Variants in NRG1 observed in about 807,000 individuals in gnomAD.
The protein encoded by NRG1 is neuregulin 1.
NRG1 carries 18 observed loss-of-function variants against 63.8 expected under a neutral mutation model. That is an observed-to-expected ratio of 0.28 (90% confidence interval 0.19 to 0.42). The LOEUF is 0.42. Among genes scored for constraint, NRG1 ranks in the 10% least tolerant of loss-of-function variants. The pLI is 1.00. For synonymous variants in NRG1, 302 were observed against 301.3 expected (o/e 1.00, Z -0.02); for missense variants, 762 against 814.7 (o/e 0.94, Z 0.79).
intron 5 of NRG1, among the ~76,000 whole-genome samples, chr8:32,682,730 T>G (rs1005926676): frequency 6.6e-5 from 10 of 152,178 alleles, no homozygotes; most frequent in African/African-American, 2.4e-4. Context: ...AAATGAAAAC[T>G]GTTGTCAATC....
intron 6 of NRG1, among the ~76,000 whole-genome samples, chr8:32,739,449 A>G (rs1825847454): frequency 6.6e-6 from 1 of 152,212 alleles, no homozygotes; most frequent in African/African-American, 2.4e-5. Context: ...GTTCTGGTTG[A>G]GAGGTAGCTG....
chr8:31,886,995 CT>C (rs1311534314), intron 1 of NRG1, among the ~76,000 whole-genome samples: 1 of 152,086 alleles, frequency 6.6e-6, no homozygotes, highest in Non-Finnish European at 1.5e-5. Flanking sequence ...CATTGGCTTC[CT>C]CTTCTTGCTA....
chr8:32,598,602 G>A (rs777370270), intron 2 of NRG1, among the ~76,000 whole-genome samples: 2 of 152,058 alleles, frequency 1.3e-5, no homozygotes, highest in Non-Finnish European at 2.9e-5. Context: ...TTAAACAATA[G>A]TCTTGCTGGA....
In NRG1 at chr8:32,742,844, C is replaced by A; in HGVS notation, c.691+111C>A. The stretch of plus-strand genomic sequence containing the variant: ...TCCACCTAGAGCTAGATGTGTCTTA[C>A]CAGATCTAATATTGACTGCCTCTGC... On this transcript the variant is annotated intron_variant, in intron 7 of 11. Coordinates refer to ENST00000356819, the Ensembl canonical transcript of NRG1. The surrounding 1 kb of genome is among the most constrained non-coding windows in gnomAD (Gnocchi z 4.2). 5 of 1,605,046 alleles carry A rather than the reference C, an allele frequency of 3.1e-6. No homozygotes were observed. Among genetic ancestry groups the A allele is most frequent in the Non-Finnish European group, 4.3e-6 (5 of 1,174,066 alleles).
chr8:32,094,747 CA>C (rs2131304264), intron 1 of NRG1, among the ~76,000 whole-genome samples: 1 of 152,108 alleles, frequency 6.6e-6, no homozygotes, highest in South Asian at 2.1e-4. Context: ...AACACCTTGA[CA>C]AAGTGTTTCT....
At chr8:32,264,009 G>A (rs1213189027) in intron 1 of NRG1, among the ~76,000 whole-genome samples, 1 of 152,184 alleles carries the variant, frequency 6.6e-6, no homozygotes, top group East Asian at 1.9e-4. Flanking sequence ...AAGGAAATGG[G>A]ATCTGAGGCC....
At position 32,614,499 on chromosome 8, in the gene NRG1, AC is replaced by A; in HGVS notation, c.401-13del. The stretch of plus-strand genomic sequence containing the variant: ...TGTTTATATATCATAATGTCCTATC[AC>A]CTTTTTTTTTCAGAGATCATCACTG... On this transcript the variant is annotated splice_polypyrimidine_tract_variant and intron_variant, in intron 3 of 11. Transcript: ENST00000356819. 1 of 1,608,870 alleles carries A rather than the reference AC, an allele frequency of 6.2e-7. No individual in the cohort carries two copies. Among genetic ancestry groups the A allele is most frequent in the Non-Finnish European group, 8.5e-7 (1 of 1,177,504 alleles).
chr8:31,708,687 C>T (rs7814657), intron 1 of NRG1, among the ~76,000 whole-genome samples: 31,847 of 151,766 alleles, frequency 0.21, 3,772 homozygotes, highest in Non-Finnish European at 0.26. Flanking sequence ...CCTCGTGATC[C>T]GCCCGCCTCG....
At chr8:32,408,269 CAT>C (rs1439250119) in intron 1 of NRG1, among the ~76,000 whole-genome samples, 2 of 152,176 alleles carry the variant, frequency 1.3e-5, no homozygotes, top group Non-Finnish European at 2.9e-5. Flanking sequence ...TTTTCCTGAT[CAT>C]GACCTTGCAC....
At chr8:32,533,410 G>A (rs1831652213) in intron 1 of NRG1, among the ~76,000 whole-genome samples, 1 of 151,920 alleles carries the variant, frequency 6.6e-6, no homozygotes, top group South Asian at 2.1e-4. Flanking sequence ...GTCTGCATGG[G>A]CAACTACTTA....
intron 1 of NRG1, among the ~76,000 whole-genome samples, chr8:31,903,202 G>A (rs1188710910): frequency 7.1e-6 from 1 of 141,436 alleles, no homozygotes; most frequent in Admixed American, 7.5e-5. Context: ...AGGCTGAAGT[G>A]CAGTGGCGCA....
chr8:31,959,775 A>G (rs1805096636), intron 1 of NRG1, among the ~76,000 whole-genome samples: 2 of 148,754 alleles, frequency 1.3e-5, no homozygotes, highest in Admixed American at 1.4e-4. Flanking sequence ...CCAAGCAACC[A>G]CCGATTATTT....
At chr8:32,230,064 G>C (rs1289617536) in intron 1 of NRG1, among the ~76,000 whole-genome samples, 1 of 152,106 alleles carries the variant, frequency 6.6e-6, no homozygotes, top group East Asian at 1.9e-4. Flanking sequence ...ATATTTAGGA[G>C]GAATATATTA....
intron 1 of NRG1, among the ~76,000 whole-genome samples, chr8:31,972,994 A>G (rs1807553997): frequency 6.6e-6 from 1 of 152,220 alleles, no homozygotes; most frequent in Non-Finnish European, 1.5e-5. Context: ...CTGTATGTAT[A>G]AATTTATGGG....
At position 31,640,107 on chromosome 8, in the gene NRG1, C is replaced by A. The variant is rs367543154; in HGVS notation, c.37+676C>A. The A allele has an allele frequency of 3.0e-5, 35 of 1,150,188 alleles. No homozygotes were observed. In the East Asian group the frequency reaches 6.3e-4, roughly 21 times the overall value. 71.2% of individuals were successfully genotyped at this position (1,150,188 alleles called of 1,614,324 possible). The stretch of plus-strand genomic sequence containing the variant: ...TGCCACTACTGCTGCTGCTGGGGAC[C>A]GCGGCCCTGGCGCCGGGGGCGGCGG... On this transcript the variant is annotated intron_variant, in intron 1 of 10. Transcript: ENST00000519301. This position sits in a 1 kb window ranked among gnomAD's most constrained non-coding sequence, Gnocchi z 6.3.
intron 1 of NRG1, among the ~76,000 whole-genome samples, chr8:31,870,988 A>G (rs183348789): frequency 6.7e-6 from 1 of 148,836 alleles, no homozygotes; most frequent in Non-Finnish European, 1.5e-5. Context: ...GTGTTGTCAG[A>G]TCCACACTTT....
upstream of NRG1, among the ~76,000 whole-genome samples, chr8:32,547,582 A>G (rs982017511): frequency 1.4e-5 from 2 of 143,980 alleles, no homozygotes; most frequent in African/African-American, 5.1e-5. Context: ...TCTAACAGGC[A>G]CTTACTAAAC....
chr8:31,784,566 G>T (rs183817570), intron 1 of NRG1, among the ~76,000 whole-genome samples: 1 of 152,152 alleles, frequency 6.6e-6, no homozygotes, highest in Non-Finnish European at 1.5e-5. Context: ...ATTTGCACAC[G>T]CTAGTTGAAT....
At chr8:32,145,729 G>C (rs557287224) in intron 1 of NRG1, among the ~76,000 whole-genome samples, 94 of 152,338 alleles carry the variant, frequency 6.2e-4, no homozygotes, top group African/African-American at 2.1e-3. Flanking sequence ...GCCATCATGA[G>C]AGCCTGCCTC....
Sources: gnomAD v4.1 joint callset for allele counts (sites outside exome capture counted in the v4.1 genomes callset) on GRCh38, gnomAD v4.1.1 for gene constraint, Gnocchi (gnomAD v3.1) non-coding constraint, MANE v1.5 for transcripts, NCBI Gene and HGNC (gene_info 2026-07-23, HGNC 2026-07-21) for gene names.